SORBS2: variants seen among roughly 807,000 people sequenced by gnomAD.
The protein encoded by SORBS2 is sorbin and SH3 domain containing 2.
In SORBS2, 46 loss-of-function variants were observed where a neutral mutation model predicts 97.7. The observed-to-expected ratio is 0.47, with a 90% CI of 0.37 to 0.60. The LOEUF (loss-of-function observed/expected upper bound fraction) is 0.60. Ranked by LOEUF, SORBS2 falls within the 20% of genes least tolerant of loss-of-function variation. SORBS2 has a pLI of 0.00. For missense variants in SORBS2, 1,316 were observed against 1,282.3 expected (o/e 1.03, Z -0.40); for synonymous variants, 476 against 473.4 (o/e 1.01, Z -0.07).
At chr4:185,792,361 G>A (rs1292161807) in intron 1 of SORBS2, among the ~76,000 whole-genome samples, 1 of 152,142 alleles carries the variant, frequency 6.6e-6, no homozygotes, top group African/African-American at 2.4e-5. Flanking sequence ...GGGTGTGGTG[G>A]CAGGTGCCTG....
At chr4:185,693,027 G>T (rs981503235) in intron 2 of SORBS2, among the ~76,000 whole-genome samples, 4 of 152,082 alleles carry the variant, frequency 2.6e-5, no homozygotes, top group African/African-American at 9.7e-5. Flanking sequence ...ATCGTTGTCC[G>T]TCTGCCCTGG....
At chr4:185,649,954 A>G (rs2097283825) in intron 2 of SORBS2, among the ~76,000 whole-genome samples, 1 of 152,228 alleles carries the variant, frequency 6.6e-6, no homozygotes, top group East Asian at 1.9e-4. Context: ...ATAGACTTAT[A>G]AGCACTCAGC....
At chr4:185,803,298 A>G (rs1277878519) in intron 1 of SORBS2, among the ~76,000 whole-genome samples, 2 of 152,298 alleles carry the variant, frequency 1.3e-5, no homozygotes, top group East Asian at 3.9e-4. Flanking sequence ...GACAGTTGCA[A>G]AATTAAATAC....
chr4:185,748,701 C>CT (rs2098779855), intron 2 of SORBS2, among the ~76,000 whole-genome samples: 1 of 152,170 alleles, frequency 6.6e-6, no homozygotes, highest in Non-Finnish European at 1.5e-5. Context: ...TTTTCCCATT[C>CT]AATTAGATTT....
At chr4:185,918,923 T>C (rs2099259649) in intron 1 of SORBS2, among the ~76,000 whole-genome samples, 3 of 152,206 alleles carry the variant, frequency 2.0e-5, no homozygotes, top group African/African-American at 7.2e-5. Context: ...AATATATACA[T>C]GTAACTGGAA....
chr4:185,685,320 G>C (rs909285552), intron 2 of SORBS2, among the ~76,000 whole-genome samples: 4 of 152,102 alleles, frequency 2.6e-5, no homozygotes, highest in African/African-American at 9.7e-5. Flanking sequence ...CCCAAAGAGA[G>C]CTTGAATAAT....
intron 4 of SORBS2, among the ~76,000 whole-genome samples, chr4:185,632,819 G>T (rs1370586980): frequency 6.6e-6 from 1 of 152,134 alleles, no homozygotes; most frequent in East Asian, 1.9e-4. Flanking sequence ...ATTTCTCCTT[G>T]TACTGGTTTC....
intron 2 of SORBS2, among the ~76,000 whole-genome samples, chr4:185,731,820 C>A (rs1198006805): frequency 8.6e-6 from 1 of 116,508 alleles, no homozygotes; most frequent in Non-Finnish European, 1.8e-5. Context: ...CCCTCCCTGC[C>A]TGTCTCTCTC....
At chr4:185,946,674 T>C (rs890297811) in intron 1 of SORBS2, among the ~76,000 whole-genome samples, 1 of 152,228 alleles carries the variant, frequency 6.6e-6, no homozygotes. Context: ...GATGAACTCA[T>C]TCTTTTCAAA....
At position 185,690,626 on chromosome 4, in the gene SORBS2, T is replaced by A. The variant is rs2098075633; in HGVS notation, c.-197-11804A>T. 1 of 1,248,278 alleles carries A rather than the reference T, an allele frequency of 8.0e-7. No homozygotes were observed. The highest frequency in any genetic ancestry group is 1.5e-5 in the African/African-American group (1 of 66,986). The allele number at this position is 1,248,278 out of a possible 1,614,324, so 77.3% of individuals were successfully genotyped here. On this transcript the variant is annotated intron_variant, in intron 2 of 20. Transcript: ENST00000284776. ...CTTCAGTTTTCCTGTAGGAAAAAAA[T>A]GGTGCATAATTGTTCACTAGCATGT...
chr4:185,659,001 C>G (rs1235820766), upstream of SORBS2, among the ~76,000 whole-genome samples: 7 of 151,890 alleles, frequency 4.6e-5, no homozygotes, highest in Admixed American at 1.3e-4. Flanking sequence ...CCACCGTGGC[C>G]GGCCATAAGG....
intron 12 of SORBS2, among the ~76,000 whole-genome samples, chr4:185,600,887 T>C (rs1233687080): frequency 1.3e-5 from 2 of 151,098 alleles, no homozygotes; most frequent in Non-Finnish European, 1.5e-5. Flanking sequence ...AGTGCCAACC[T>C]GTGGGCTGGA....
intron 1 of SORBS2, among the ~76,000 whole-genome samples, chr4:185,778,757 T>C (rs2153632362): frequency 6.6e-6 from 1 of 152,270 alleles, no homozygotes; most frequent in African/African-American, 2.4e-5. Flanking sequence ...CATTTGTACA[T>C]CATTAAGGCA....
chr4:185,655,992 C>T (rs1282328999), intron 1 of SORBS2, among the ~76,000 whole-genome samples: 2 of 152,136 alleles, frequency 1.3e-5, no homozygotes, highest in Admixed American at 1.3e-4. Context: ...CCAATGACAC[C>T]ATTTCTGTCT....
In SORBS2 at chr4:185,746,618, T is replaced by A. The variant is rs1446589348; in HGVS notation, c.-198+28609A>T. On this transcript the variant is annotated intron_variant, in intron 2 of 20. Transcript: ENST00000284776. ...CAGGTGTGGGCCACCGCGCCCGGCCTTATCTGGTTAGAGTTTCTTAGGTGG... is the reference window on the plus strand; with the variant it reads ...CAGGTGTGGGCCACCGCGCCCGGCCATATCTGGTTAGAGTTTCTTAGGTGG... Among the ~76,000 whole-genome samples, 4 of 152,114 alleles carry A rather than the reference T, an allele frequency of 2.6e-5. No homozygotes were observed. The East Asian group carries it at 7.7e-4, about 29-fold the overall frequency.
chr4:185,793,708 G>T (rs2099091884), intron 1 of SORBS2, among the ~76,000 whole-genome samples: 1 of 152,048 alleles, frequency 6.6e-6, no homozygotes, highest in African/African-American at 2.4e-5. Flanking sequence ...CATCTCTGGG[G>T]ATTTTTTTTA....
chr4:185,816,466 C>G (rs6552925), intron 1 of SORBS2, among the ~76,000 whole-genome samples: 48,165 of 152,078 alleles, frequency 0.32, 7,764 homozygotes, highest in Non-Finnish European at 0.34. Flanking sequence ...CAAAACCTTG[C>G]ATATTTAGTT....
intron 1 of SORBS2, among the ~76,000 whole-genome samples, chr4:185,776,795 G>A (rs943828585): frequency 4.0e-5 from 6 of 151,794 alleles, no homozygotes; most frequent in Admixed American, 2.0e-4. Flanking sequence ...AGCTACTTGG[G>A]AGGCTGAGGC....
At chr4:185,817,479 C>G (rs1272704436) in intron 1 of SORBS2, among the ~76,000 whole-genome samples, 1 of 152,160 alleles carries the variant, frequency 6.6e-6, no homozygotes, top group Non-Finnish European at 1.5e-5. Flanking sequence ...AGGGGCCACA[C>G]TTTGTTCTTG....
Sources: gnomAD v4.1 joint callset for allele counts (sites outside exome capture counted in the v4.1 genomes callset) on GRCh38, gnomAD v4.1.1 for gene constraint, MANE v1.5 for transcripts, NCBI Gene and HGNC (gene_info 2026-07-23, HGNC 2026-07-21) for gene names.